GRM7: variants seen among roughly 807,000 people sequenced by gnomAD.
The protein encoded by GRM7 is metabotropic glutamate receptor 7.
A neutral mutation model predicts 84.5 loss-of-function variants in GRM7; 35 were observed. That is an observed-to-expected ratio of 0.41 (90% confidence interval 0.32 to 0.55). The LOEUF is 0.55. Ranked by LOEUF, GRM7 falls within the 20% of genes least tolerant of loss-of-function variation. The probability of loss-of-function intolerance (pLI) is 0.19; values close to 1 mark genes in which losing one functional copy is unlikely to be tolerated. For missense variants in GRM7, 1,003 were observed against 1,194.6 expected, an observed-to-expected ratio of 0.84 and a Z score of 2.36; for synonymous variants, 487 against 455.1, an observed-to-expected ratio of 1.07 and a Z score of -0.89.
chr3:7,039,178 C>G (rs17046672), intron 1 of GRM7, among the ~76,000 whole-genome samples: 5,554 of 152,204 alleles, frequency 0.036, 356 homozygotes, highest in African/African-American at 0.13. Context: ...GCTGAGCTTG[C>G]TGTTTCTTAC....
intron 4 of GRM7, among the ~76,000 whole-genome samples, chr3:7,318,683 A>C (rs1291352354): frequency 6.6e-6 from 1 of 152,016 alleles, no homozygotes; most frequent in Admixed American, 6.6e-5. Context: ...TATATTCCTG[A>C]TATTAGGTGT....
chr3:7,517,381 G>GTATTAGTATTAT (rs1371467162), intron 7 of GRM7, among the ~76,000 whole-genome samples: 1 of 151,380 alleles, frequency 6.6e-6, no homozygotes, highest in Non-Finnish European at 1.5e-5. Context: ...AGTAGTAGTA[G>GTATTAGTATTAT]TAGTATTAGT....
rs111507762 is a variant in GRM7 at position 7,664,411 on chromosome 3, G to T, written c.2452-15638G>T. Among the ~76,000 whole-genome samples the T allele has an allele frequency of 3.1e-4, 47 of 152,246 alleles. 1 individual carries two copies. The highest frequency in any genetic ancestry group is 1.1e-3 in the African/African-American group (47 of 41,554). On this transcript the variant is annotated intron_variant, in intron 8 of 9. Transcript: ENST00000357716. ...TGATTCAGATCAATTCTTTATGTCG[G>T]TAAAGGGGTCAGACTTTTCTCACTG...
chr3:6,881,467 T>C (rs1379541653), intron 1 of GRM7, among the ~76,000 whole-genome samples: 1 of 152,158 alleles, frequency 6.6e-6, no homozygotes, highest in Non-Finnish European at 1.5e-5. Flanking sequence ...CAAAGGACAT[T>C]ATATCATTCA....
intron 1 of GRM7, among the ~76,000 whole-genome samples, chr3:6,999,850 T>C (rs11927626): frequency 0.083 from 12,589 of 152,086 alleles, 1,820 homozygotes; most frequent in African/African-American, 0.29. Context: ...CTCAAGACAA[T>C]TGGGGATTAT....
chr3:7,515,544 G>A lies in GRM7; in HGVS notation c.1515+53822G>A, dbSNP rs73117812. Among the ~76,000 whole-genome samples, 625 of 152,240 alleles carry A rather than the reference G, an allele frequency of 4.1e-3. 7 individuals carry two copies. Among genetic ancestry groups the A allele is most frequent in the African/African-American group, 0.014 (597 of 41,538 alleles). ...TAAAATCAAACCAAGAAATCAAATT[G>A]TCAGTGTTTTACCAAGCCAGTATCA... On this transcript the variant is annotated intron_variant, in intron 7 of 9. Transcript: ENST00000357716.
rs1243962506 is a variant in GRM7 at position 7,352,027 on chromosome 3, TTCTC to T, written c.1033+45386_1033+45389del. 2.9e-4 allele frequency among the ~76,000 whole-genome samples: 39 copies of T among 135,276 alleles called. 1 individual carries two copies. The East Asian group carries it at 8.6e-3, about 30-fold the overall frequency. The allele number at this position is 135,276 out of a possible 152,430, so 88.7% of individuals were successfully genotyped here. On this transcript the variant is annotated intron_variant, in intron 4 of 9. Coordinates refer to ENST00000357716, the MANE Select transcript of GRM7 (RefSeq NM_000844.4). ...ATATATTCATTCAGTCATTCGTTCATTCTCTCTCTCTCTCACACACACACACACA... is the reference window on the plus strand; with the variant it reads ...ATATATTCATTCAGTCATTCGTTCATTCTCTCTCTCACACACACACACACA...
chr3:7,268,348 C>T (rs570910366), intron 2 of GRM7, among the ~76,000 whole-genome samples: 7 of 151,400 alleles, frequency 4.6e-5, no homozygotes, highest in African/African-American at 9.7e-5. Flanking sequence ...CCCAGCTCCT[C>T]GTGAAGCTGA....
intron 1 of GRM7, among the ~76,000 whole-genome samples, chr3:6,979,093 A>G (rs1694103330): frequency 6.6e-6 from 1 of 152,120 alleles, no homozygotes; most frequent in South Asian, 2.1e-4. Flanking sequence ...TCTTTCATTG[A>G]TCAGTAAGTA....
At chr3:7,011,294 T>C (rs866577035) in intron 1 of GRM7, among the ~76,000 whole-genome samples, 1 of 152,236 alleles carries the variant, frequency 6.6e-6, no homozygotes, top group Non-Finnish European at 1.5e-5. Flanking sequence ...GTGGAAACTT[T>C]ATATGTAGAA....
intron 1 of GRM7, among the ~76,000 whole-genome samples, chr3:6,891,654 C>T (rs531106289): frequency 6.6e-6 from 1 of 152,274 alleles, no homozygotes; most frequent in South Asian, 2.1e-4. Flanking sequence ...TTCTCTCTGG[C>T]TGCCCTTAAC....
chr3:6,863,455 G>C lies in GRM7; in HGVS notation c.519+1548G>C, dbSNP rs1252264695. On this transcript the variant is annotated intron_variant, in intron 1 of 9. Transcript: ENST00000357716. This position sits in a 1 kb window ranked among gnomAD's most constrained non-coding sequence, Gnocchi z 4.8. ...GAGTGTGAAGTTTGCATTCAGGAAA[G>C]AGGAGTGCCCATCCAAGGCTGCAGC... Among the ~76,000 whole-genome samples, 1 of 152,136 alleles carries C rather than the reference G, an allele frequency of 6.6e-6. No individual in the cohort carries two copies. The highest frequency in any genetic ancestry group is 1.5e-5 in the Non-Finnish European group (1 of 68,034).
chr3:7,380,266 T>C (rs898283629), intron 4 of GRM7, among the ~76,000 whole-genome samples: 1 of 152,220 alleles, frequency 6.6e-6, no homozygotes, highest in Admixed American at 6.5e-5. Flanking sequence ...AGTTTTAACA[T>C]TCCATTTTGG....
chr3:7,306,196 T>C (rs1376183623), intron 3 of GRM7, among the ~76,000 whole-genome samples: 1 of 152,210 alleles, frequency 6.6e-6, no homozygotes, highest in African/African-American at 2.4e-5. Flanking sequence ...TATCTTTGTC[T>C]AATTTGCACT....
chr3:7,175,525 T>G (rs1406342805), intron 2 of GRM7, among the ~76,000 whole-genome samples: 1 of 152,186 alleles, frequency 6.6e-6, no homozygotes, highest in Non-Finnish European at 1.5e-5. Flanking sequence ...TTGAATCAAC[T>G]TGAAAATTTG....
intron 9 of GRM7, chr3:7,693,498 A>G: frequency 1.5e-6 from 1 of 672,066 alleles, no homozygotes. Context: ...TTAGTATGAA[A>G]AATGCTACAT....
At chr3:7,739,221 A>T (rs1401318631) in intron 9 of GRM7, among the ~76,000 whole-genome samples, 3 of 152,196 alleles carry the variant, frequency 2.0e-5, no homozygotes, top group Non-Finnish European at 4.4e-5. Flanking sequence ...CCTGTGTAAG[A>T]TCTATAATCA....
chr3:7,402,696 C>T (rs1432752237), intron 4 of GRM7, among the ~76,000 whole-genome samples: 1 of 151,900 alleles, frequency 6.6e-6, no homozygotes, highest in African/African-American at 2.4e-5. Flanking sequence ...TTAAGCTTCT[C>T]TAGGTGTCCA....
intron 1 of GRM7, among the ~76,000 whole-genome samples, chr3:7,098,504 T>A (rs1444086405): frequency 1.3e-5 from 2 of 151,948 alleles, no homozygotes; most frequent in African/African-American, 4.8e-5. Context: ...ATATGAGATT[T>A]TTTTCCTCAT....
Sources: allele counts gnomAD v4.1 joint callset (sites outside exome capture counted in the v4.1 genomes callset), GRCh38; gene constraint gnomAD v4.1.1; non-coding constraint Gnocchi (gnomAD v3.1); transcripts MANE v1.5; gene names NCBI Gene and HGNC (gene_info 2026-07-23, HGNC 2026-07-21).